The following RARB variants were observed in gnomAD, a reference collection of about 807,000 sequenced individuals.
RARB encodes retinoic acid receptor beta.
RARB carries 17 observed loss-of-function variants against 51.9 expected under a neutral mutation model. The observed-to-expected ratio is 0.33, with a 90% CI of 0.22 to 0.49. The LOEUF (loss-of-function observed/expected upper bound fraction) is 0.49, where lower values mean the gene tolerates loss of function less well. RARB is among the 20% of genes least tolerant of loss of function. RARB has a pLI of 0.99. For synonymous variants in RARB, 215 were observed against 195.4 expected (o/e 1.10, Z -0.84); for missense variants, 369 against 550.8 (o/e 0.67, Z 3.30).
intron 2 of RARB, among the ~76,000 whole-genome samples, chr3:24,879,745 G>C (rs1703120098): frequency 6.6e-6 from 1 of 152,142 alleles, no homozygotes; most frequent in African/African-American, 2.4e-5. Flanking sequence ...CTGTAAACCT[G>C]TGTGAGGTCC....
chr3:24,957,876 C>T (rs534832801), intron 2 of RARB, among the ~76,000 whole-genome samples: 43 of 152,232 alleles, frequency 2.8e-4, no homozygotes, highest in African/African-American at 7.9e-4. Context: ...TCCCATAATA[C>T]GGTATTTATA....
At chr3:24,958,609 C>CAT (rs2125410047) in intron 2 of RARB, among the ~76,000 whole-genome samples, 1 of 152,232 alleles carries the variant, frequency 6.6e-6, no homozygotes, top group South Asian at 2.1e-4. Flanking sequence ...CTAGTTTGCA[C>CAT]ATAATGAGGG....
chr3:25,331,430 A>G (rs547273250), intron 5 of RARB, among the ~76,000 whole-genome samples: 8 of 152,238 alleles, frequency 5.3e-5, no homozygotes, highest in East Asian at 1.9e-4. Context: ...TGACTACTGG[A>G]TACATAACAA....
chr3:25,195,801 C>T (rs958932088), intron 5 of RARB, among the ~76,000 whole-genome samples: 22 of 151,950 alleles, frequency 1.4e-4, no homozygotes, highest in African/African-American at 5.1e-4. Flanking sequence ...AAAAGAAAGC[C>T]ATGTCTTGAG....
At chr3:25,376,564 G>T (rs1005606094) in intron 5 of RARB, among the ~76,000 whole-genome samples, 7 of 152,112 alleles carry the variant, frequency 4.6e-5, no homozygotes, top group African/African-American at 1.4e-4. Context: ...TTGGAAACTG[G>T]TTTTTGCTGA....
intron 5 of RARB, among the ~76,000 whole-genome samples, chr3:25,358,906 T>C (rs1446670020): frequency 6.6e-6 from 1 of 152,216 alleles, no homozygotes; most frequent in Non-Finnish European, 1.5e-5. Flanking sequence ...GATTTTCGCA[T>C]TGATGTTCAT....
intron 2 of RARB, among the ~76,000 whole-genome samples, chr3:25,027,590 C>G (rs1313038824): frequency 6.8e-6 from 1 of 146,166 alleles, no homozygotes; most frequent in African/African-American, 2.6e-5. Context: ...ATGACAGTCA[C>G]TGCAGAAGGT....
At chr3:25,090,007 G>C (rs989829352) in intron 3 of RARB, among the ~76,000 whole-genome samples, 44 of 152,210 alleles carry the variant, frequency 2.9e-4, no homozygotes, top group African/African-American at 1.0e-3. Flanking sequence ...AGGTCTACTG[G>C]TGTAACTTAT....
intron 2 of RARB, among the ~76,000 whole-genome samples, chr3:24,871,622 A>T (rs561668997): frequency 2.0e-5 from 3 of 152,148 alleles, no homozygotes; most frequent in Non-Finnish European, 2.9e-5. Context: ...CTTGCATTCA[A>T]TGTTCTCGCC....
chr3:24,948,908 C>T (rs1695830296), intron 2 of RARB, among the ~76,000 whole-genome samples: 2 of 152,144 alleles, frequency 1.3e-5, no homozygotes, highest in Non-Finnish European at 2.9e-5. Flanking sequence ...ACTGTGCTTC[C>T]TGTACAGCCT....
intron 2 of RARB, among the ~76,000 whole-genome samples, chr3:25,496,906 C>T (rs377075029): frequency 2.3e-4 from 35 of 152,272 alleles, no homozygotes; most frequent in Middle Eastern, 3.4e-3. Flanking sequence ...CTTTTTGAGA[C>T]GGAGTTTCAC....
At chr3:25,244,322 T>C (rs1702503475) in intron 5 of RARB, among the ~76,000 whole-genome samples, 1 of 150,972 alleles carries the variant, frequency 6.6e-6, no homozygotes, top group Admixed American at 6.6e-5. Flanking sequence ...TCAATTCTGC[T>C]CTGATCTTAG....
intron 4 of RARB, among the ~76,000 whole-genome samples, chr3:25,146,104 T>G (rs757531565): frequency 6.6e-6 from 1 of 152,188 alleles, no homozygotes; most frequent in Non-Finnish European, 1.5e-5. Flanking sequence ...TGCCCCTCAC[T>G]AGCTCTGTGA....
chr3:24,832,628 A>AATATATATATATATATAT lies in RARB; in HGVS notation c.-459+3231_-459+3248dup, dbSNP rs10526610. 9.0e-3 allele frequency among the ~76,000 whole-genome samples: 794 copies of AATATATATATATATATAT among 88,220 alleles called. 39 individuals are homozygous for AATATATATATATATATAT. Among genetic ancestry groups the AATATATATATATATATAT allele is most frequent in the Middle Eastern group, 0.019 (3 of 160 alleles). The allele number at this position is 88,220 out of a possible 152,430, so 57.9% of individuals were successfully genotyped here. On this transcript the variant is annotated intron_variant, in intron 1 of 11. Coordinates refer to the RARB transcript ENST00000383772. ...CTGTATTTAGAAAAAATTGAGTCCC[A>AATATATATATATATATAT]ATATATATATATATATATATATAAT...
chr3:25,566,923 C>A lies in RARB; in HGVS notation c.449-2835C>A, dbSNP rs529332700. Among the ~76,000 whole-genome samples, 12 of 152,220 alleles carry A rather than the reference C, an allele frequency of 7.9e-5. No homozygotes were observed. In the East Asian group the frequency reaches 2.3e-3, roughly 29 times the overall value. ...GAGTGTAGAAATGGGGTCATAAGGCCCACCTCACCTGGCTTACTGTGGGGA... is the reference window on the plus strand; with the variant it reads ...GAGTGTAGAAATGGGGTCATAAGGCACACCTCACCTGGCTTACTGTGGGGA... On this transcript the variant is annotated intron_variant, in intron 3 of 7. Transcript: ENST00000330688.
chr3:25,076,139 GTTAT>G (rs1476786709), intron 3 of RARB, among the ~76,000 whole-genome samples: 1 of 111,084 alleles, frequency 9.0e-6, no homozygotes, highest in East Asian at 2.7e-4. Context: ...CCCAGAAGCA[GTTAT>G]TTATTTTTTT....
intron 3 of RARB, among the ~76,000 whole-genome samples, chr3:25,560,816 C>A (rs1411881624): frequency 1.3e-5 from 2 of 152,110 alleles, no homozygotes; most frequent in East Asian, 3.9e-4. Flanking sequence ...TATTATATAT[C>A]ATGTGCATTT....
At chr3:25,268,607 C>T (rs1454786805) in intron 5 of RARB, among the ~76,000 whole-genome samples, 2 of 152,174 alleles carry the variant, frequency 1.3e-5, no homozygotes, top group Admixed American at 1.3e-4. Flanking sequence ...ACTCACTCTG[C>T]CTTCCTTGTT....
intron 5 of RARB, among the ~76,000 whole-genome samples, chr3:25,280,361 A>C (rs949179408): frequency 1.3e-5 from 2 of 152,164 alleles, no homozygotes; most frequent in Admixed American, 1.3e-4. Context: ...GAGAAGGATG[A>C]GGAGAAGGTG....
Sources: allele counts gnomAD v4.1 joint callset (sites outside exome capture counted in the v4.1 genomes callset), GRCh38; gene constraint gnomAD v4.1.1; transcripts MANE v1.5; gene names NCBI Gene and HGNC (gene_info 2026-07-23, HGNC 2026-07-21).